The following WDR17 variants were observed in gnomAD, a reference collection of about 807,000 sequenced individuals.
WDR17 encodes the protein WD repeat domain 17.
Under a neutral mutation model 161.7 loss-of-function variants are expected in WDR17, and 143 were observed. That is an observed-to-expected ratio of 0.88 (90% CI 0.77 to 1.02). The LOEUF (loss-of-function observed/expected upper bound fraction) is 1.02, where lower values mean the gene tolerates loss of function less well. WDR17 is among the 50% of genes least tolerant of loss of function. The pLI is 0.00. For missense variants in WDR17, 1,469 were observed against 1,520.9 expected (o/e 0.97, Z 0.57); for synonymous variants, 517 against 515.6 (o/e 1.00, Z -0.04).
intron 12 of WDR17, among the ~76,000 whole-genome samples, chr4:176,147,264 A>T (rs1746336765): frequency 6.6e-6 from 1 of 152,200 alleles, no homozygotes; most frequent in Non-Finnish European, 1.5e-5. Context: ...CTTTTGAAGT[A>T]CTACTATTTT....
rs1054092016 is a variant in WDR17 at position 176,173,284 on chromosome 4, G to T, written c.3262G>T (p.Asp1088Tyr). 5 of 1,610,562 alleles carry T rather than the reference G, an allele frequency of 3.1e-6. No homozygotes were observed. The highest frequency in any genetic ancestry group is 1.3e-5 in the African/African-American group (1 of 74,724). Reference sequence around the variant, plus strand: ...TTTTCCAGAATACATCAGTAGCTCAGACTGGACTTTGGATACCATATACCC... The same window carrying T: ...TTTTCCAGAATACATCAGTAGCTCATACTGGACTTTGGATACCATATACCC... Reference protein sequence around the residue: ...SFVKEYISSSDWTLDTIYPVL... With the variant: ...SFVKEYISSSYWTLDTIYPVL... Residue 1088 changes from aspartate to tyrosine, a missense_variant, in exon 25 of 29, where the codon GAC (aspartate) becomes TAC (tyrosine). Asp to Tyr is a radical substitution (Grantham distance 160, BLOSUM62 -3). Transcript: ENST00000508596.
intron 1 of WDR17, among the ~76,000 whole-genome samples, chr4:176,104,442 AG>A (rs1406340150): frequency 3.9e-5 from 6 of 152,098 alleles, no homozygotes; most frequent in African/African-American, 9.6e-5. Context: ...AAAAATTCTT[AG>A]TATACAAGTA....
At chr4:176,177,392 T>G (rs1751598329) in intron 27 of WDR17, 79 bp from the exon 28 acceptor site, 2 of 1,305,278 alleles carry the variant, frequency 1.5e-6, no homozygotes, top group Non-Finnish European at 2.1e-6. Context: ...TAAATAATCA[T>G]CAGGGATAAT....
At chr4:176,080,739 C>T (rs1734637852) in intron 1 of WDR17, among the ~76,000 whole-genome samples, 1 of 152,110 alleles carries the variant, frequency 6.6e-6, no homozygotes, top group Admixed American at 6.6e-5. Flanking sequence ...AGAACGTTCT[C>T]CTTTGACATT....
At chr4:176,068,258 G>A (rs772567492) in intron 1 of WDR17, 1 of 152,100 alleles carries the variant, frequency 6.6e-6, no homozygotes, top group Admixed American at 6.5e-5. Flanking sequence ...CTTCCAGTAC[G>A]TCTTCAGGAA....
In WDR17 at chr4:176,135,017, A is replaced by G; in HGVS notation, c.1099-91A>G. 4 of 1,297,902 alleles carry G rather than the reference A, an allele frequency of 3.1e-6. No individual in the cohort carries two copies. In the South Asian group the frequency reaches 4.0e-5, roughly 13 times the overall value. The allele number at this position is 1,297,902 out of a possible 1,614,324, so 80.4% of individuals were successfully genotyped here. On this transcript the variant is annotated intron_variant, in intron 7 of 28. Transcript: ENST00000508596. Reference sequence around the variant, plus strand: ...TGCATTAATATTTGGAAAACCGTATACATGTGTCAATTTGAGTAAACATTG... The same window carrying G: ...TGCATTAATATTTGGAAAACCGTATGCATGTGTCAATTTGAGTAAACATTG...
intron 13 of WDR17, 152 bp downstream of exon 13, chr4:176,148,487 T>TAATA (rs1364446430): frequency 1.7e-5 from 12 of 721,976 alleles, no homozygotes; most frequent in Admixed American, 3.1e-5. Flanking sequence ...CGTTTATTAT[T>TAATA]ATAATACCAG....
At chr4:176,176,495 C>G (rs1305586298) in intron 26 of WDR17, among the ~76,000 whole-genome samples, 3 of 152,140 alleles carry the variant, frequency 2.0e-5, no homozygotes, top group Non-Finnish European at 4.4e-5. Flanking sequence ...TATACGGTGT[C>G]CTTCAGAAAC....
intron 18 of WDR17, among the ~76,000 whole-genome samples, chr4:176,159,311 ATG>A (rs1448151975): frequency 3.7e-5 from 5 of 133,680 alleles, no homozygotes; most frequent in Admixed American, 7.2e-5. Flanking sequence ...ACACACACAG[ATG>A]GAGAGAGAGA....
At chr4:176,175,841 G>A (rs1363798669) in intron 26 of WDR17, among the ~76,000 whole-genome samples, 1 of 152,050 alleles carries the variant, frequency 6.6e-6, no homozygotes, top group Non-Finnish European at 1.5e-5. Context: ...TTACAGGCGT[G>A]AGCCACCATG....
chr4:176,099,993 A>C (rs1579045260), intron 1 of WDR17, among the ~76,000 whole-genome samples: 1 of 152,190 alleles, frequency 6.6e-6, no homozygotes, highest in Admixed American at 6.5e-5. Flanking sequence ...GTTGATAGAC[A>C]CTTAAGTTGA....
intron 25 of WDR17, 97 bp downstream of exon 25, chr4:176,173,466 C>A: frequency 2.9e-6 from 2 of 700,992 alleles, no homozygotes; most frequent in Non-Finnish European, 4.8e-6. Flanking sequence ...ATAGGATTAT[C>A]TTGGACAGGT....
At chr4:176,156,560 G>A (rs1475344755) in intron 18 of WDR17, among the ~76,000 whole-genome samples, 3 of 152,084 alleles carry the variant, frequency 2.0e-5, no homozygotes, top group South Asian at 2.1e-4. Context: ...ATATGAGGGA[G>A]GCACTGATGA....
At position 176,115,837 on chromosome 4, in the gene WDR17, G is replaced by A; in HGVS notation, c.165G>A (p.Met55Ile). 1 of 1,610,500 alleles carries A rather than the reference G, an allele frequency of 6.2e-7. No individual in the cohort carries two copies. Among genetic ancestry groups the A allele is most frequent in the Non-Finnish European group, 8.5e-7 (1 of 1,177,926 alleles). Residue 55 changes from methionine to isoleucine, a missense_variant, in exon 3 of 29, where the codon ATG (methionine) becomes ATA (isoleucine). Physicochemically the swap from Met to Ile is conservative, Grantham distance 10. Transcript: ENST00000508596. ...ATGAATTCAAACTTCACGCAATTAT[G>A]TCTGAACATAAAAAAACAATCACAG... Reference protein sequence around the residue: ...RYNEFKLHAIMSEHKKTITAI... With the variant: ...RYNEFKLHAIISEHKKTITAI...
At chr4:176,161,886 G>C (rs1232508196) in intron 20 of WDR17, among the ~76,000 whole-genome samples, 189 bp from the exon 21 acceptor site, 1 of 152,130 alleles carries the variant, frequency 6.6e-6, no homozygotes. Flanking sequence ...GAGGGAGATA[G>C]AGGCTTATCA....
At chr4:176,074,682 T>G (rs1271253173) in intron 1 of WDR17, among the ~76,000 whole-genome samples, 1 of 151,958 alleles carries the variant, frequency 6.6e-6, no homozygotes, top group East Asian at 1.9e-4. Context: ...CTTGAACTCC[T>G]GGCCTCAAGT....
At chr4:176,155,010 A>G (rs1452973705) in intron 17 of WDR17, among the ~76,000 whole-genome samples, 8 of 152,182 alleles carry the variant, frequency 5.3e-5, no homozygotes, top group Admixed American at 5.2e-4. Context: ...AGTTAAATGA[A>G]GAAATGACAA....
At chr4:176,137,380 A>T in intron 8 of WDR17, 140 bp from the exon 9 acceptor site, 1 of 604,598 alleles carries the variant, frequency 1.7e-6, no homozygotes. Flanking sequence ...ATAATTTTAT[A>T]CAGTTAATAA....
At chr4:176,162,210 G>C (rs199905155) in intron 21 of WDR17, 36 bp downstream of exon 21, 1 of 1,582,202 alleles carries the variant, frequency 6.3e-7, no homozygotes, top group Admixed American at 1.7e-5. Context: ...TGAATGAAAA[G>C]TTTTTTAGAT....
Sources: allele counts gnomAD v4.1 joint callset (sites outside exome capture counted in the v4.1 genomes callset), GRCh38; gene constraint gnomAD v4.1.1; transcripts MANE v1.5; gene names NCBI Gene and HGNC (gene_info 2026-07-23, HGNC 2026-07-21).